The following ADGRL3 variants were observed in gnomAD, a reference collection of about 807,000 sequenced individuals.
The protein encoded by ADGRL3 is calcium-independent alpha-latrotoxin receptor 3.
In ADGRL3, 62 loss-of-function variants were observed where a neutral mutation model predicts 153.5. The observed-to-expected ratio is 0.40, with a 90% confidence interval of 0.33 to 0.50. The LOEUF (loss-of-function observed/expected upper bound fraction) is 0.50. Among genes scored for constraint, ADGRL3 ranks in the 20% least tolerant of loss-of-function variants. ADGRL3 has a pLI of 0.47. For missense variants in ADGRL3, 1,641 were observed against 1,859.4 expected (o/e 0.88, Z 2.16); for synonymous variants, 710 against 672.5 (o/e 1.06, Z -0.86).
chr4:61,680,404 TCGTGTGTGTGTGTGTG>T (rs946830596), intron 6 of ADGRL3, among the ~76,000 whole-genome samples: 1 of 124,262 alleles, frequency 8.0e-6, no homozygotes. Flanking sequence ...TTATACATAC[TCGTGTGTGTGTGTGTG>T]TGTGTGTGTG....
chr4:61,795,244 C>A (rs2097395594), intron 8 of ADGRL3, among the ~76,000 whole-genome samples: 1 of 152,132 alleles, frequency 6.6e-6, no homozygotes, highest in South Asian at 2.1e-4. Context: ...TCTCCCATCT[C>A]AGCCTCCTGA....
intron 2 of ADGRL3, among the ~76,000 whole-genome samples, chr4:61,488,989 A>G (rs2098227941): frequency 6.6e-6 from 1 of 151,908 alleles, no homozygotes; most frequent in Admixed American, 6.6e-5. Context: ...CCCACTTACC[A>G]CTAAATGCAA....
chr4:61,454,714 G>A (rs1000114563), intron 2 of ADGRL3, among the ~76,000 whole-genome samples: 9 of 152,040 alleles, frequency 5.9e-5, no homozygotes, highest in African/African-American at 2.2e-4. Context: ...CATACATAGT[G>A]TTTTATATAT....
At chr4:61,956,701 G>A (rs556660121) in intron 17 of ADGRL3, among the ~76,000 whole-genome samples, 28 of 152,144 alleles carry the variant, frequency 1.8e-4, no homozygotes, top group African/African-American at 6.7e-4. Flanking sequence ...CCCATCTTGA[G>A]TTAATTTGTG....
intron 5 of ADGRL3, among the ~76,000 whole-genome samples, chr4:61,639,180 C>A (rs561277748): frequency 7.2e-5 from 11 of 152,104 alleles, no homozygotes; most frequent in Admixed American, 3.3e-4. Flanking sequence ...AAATAGAAAA[C>A]CCATTTTTAA....
intron 1 of ADGRL3, among the ~76,000 whole-genome samples, chr4:61,378,050 A>T (rs2096625281): frequency 6.6e-6 from 1 of 152,008 alleles, no homozygotes; most frequent in Non-Finnish European, 1.5e-5. Flanking sequence ...GTTAGGCAAC[A>T]CAATTTATAT....
chr4:61,589,805 G>A (rs887751296), intron 5 of ADGRL3, among the ~76,000 whole-genome samples: 3 of 152,050 alleles, frequency 2.0e-5, no homozygotes, highest in African/African-American at 7.2e-5. Context: ...GTGAACAAAG[G>A]CATAAATTAA....
Position 61,368,865 on chromosome 4 carries a change from G to A in ADGRL3, c.-239-14259G>A, listed in dbSNP as rs533291568. ...ATTGATTCTTCCTACCCATGAGCAT[G>A]GAATGTTCTTCCATTTGTTTGTATC... is the stretch of plus-strand genomic sequence containing the variant. On this transcript the variant is annotated intron_variant, in intron 1 of 26. Transcript: ENST00000683033. Among the ~76,000 whole-genome samples the A allele has an allele frequency of 2.6e-5, 4 of 152,266 alleles. No homozygotes were observed. In the South Asian group the frequency reaches 6.2e-4, roughly 24 times the overall value.
intron 8 of ADGRL3, among the ~76,000 whole-genome samples, chr4:61,745,105 A>G (rs982771360): frequency 6.6e-5 from 10 of 152,186 alleles, no homozygotes; most frequent in African/African-American, 2.4e-4. Flanking sequence ...AACTGGAATA[A>G]AGGGTATCAG....
chr4:61,885,314 G>A (rs2098532117), intron 9 of ADGRL3, among the ~76,000 whole-genome samples: 1 of 152,066 alleles, frequency 6.6e-6, no homozygotes, highest in South Asian at 2.1e-4. Context: ...GGCAACAAGA[G>A]TGAAACTCCT....
chr4:61,798,598 GTTTA>G (rs10548703), intron 8 of ADGRL3, among the ~76,000 whole-genome samples: 12,198 of 150,442 alleles, frequency 0.081, 998 homozygotes, highest in African/African-American at 0.21. Context: ...TTATTTGTTT[GTTTA>G]TTTATTTATT....
intron 9 of ADGRL3, among the ~76,000 whole-genome samples, chr4:61,843,810 G>C (rs1393797034): frequency 6.6e-6 from 1 of 151,934 alleles, no homozygotes. Context: ...CCAGGAGTTC[G>C]AGACAAGCCT....
At chr4:61,435,504 C>T (rs1300947380) in intron 2 of ADGRL3, among the ~76,000 whole-genome samples, 1 of 151,990 alleles carries the variant, frequency 6.6e-6, no homozygotes, top group Non-Finnish European at 1.5e-5. Flanking sequence ...GGGCCCATTA[C>T]CGGTGTGAAA....
intron 2 of ADGRL3, among the ~76,000 whole-genome samples, chr4:61,428,817 T>G (rs2097312698): frequency 6.7e-6 from 1 of 150,352 alleles, no homozygotes; most frequent in Non-Finnish European, 1.5e-5. Flanking sequence ...ATGTTCTGGA[T>G]ATCTAGCTAT....
intron 5 of ADGRL3, among the ~76,000 whole-genome samples, chr4:61,651,773 A>ATTTTTTTTT (rs377167454): frequency 7.9e-6 from 1 of 126,764 alleles, no homozygotes; most frequent in Non-Finnish European, 1.7e-5. Context: ...AGGCCCAGCT[A>ATTTTTTTTT]TTTTTTTTTT....
intron 1 of ADGRL3, among the ~76,000 whole-genome samples, chr4:61,298,512 T>C (rs2094483393): frequency 6.6e-6 from 1 of 152,192 alleles, no homozygotes; most frequent in Non-Finnish European, 1.5e-5. Flanking sequence ...GTAGCTACTT[T>C]TGTTATTCAC....
intron 19 of ADGRL3, among the ~76,000 whole-genome samples, chr4:61,995,940 C>T (rs1472889784): frequency 6.6e-6 from 1 of 152,008 alleles, no homozygotes; most frequent in African/African-American, 2.4e-5. Context: ...GCACCATAAT[C>T]GGAGAGAAAA....
intron 8 of ADGRL3, among the ~76,000 whole-genome samples, chr4:61,753,053 G>T (rs1220274203): frequency 6.6e-6 from 1 of 152,004 alleles, no homozygotes; most frequent in East Asian, 1.9e-4. Flanking sequence ...AACTGAGTTG[G>T]TAGATTGTCC....
intron 8 of ADGRL3, among the ~76,000 whole-genome samples, chr4:61,805,106 C>T (rs1055480907): frequency 6.6e-6 from 1 of 151,848 alleles, no homozygotes; most frequent in Admixed American, 6.6e-5. Flanking sequence ...CAGGTGCATG[C>T]CACCATGCCC....
Sources: gnomAD v4.1 joint callset for allele counts (sites outside exome capture counted in the v4.1 genomes callset) on GRCh38, gnomAD v4.1.1 for gene constraint, MANE v1.5 for transcripts, NCBI Gene and HGNC (gene_info 2026-07-23, HGNC 2026-07-21) for gene names.